Variants in CCNI observed in about 807,000 individuals in gnomAD.
CCNI encodes cyclin-I.
CCNI carries 14 observed loss-of-function variants against 34.1 expected under a neutral mutation model. The ratio of observed to expected loss-of-function variants is 0.41; its 90% confidence interval spans 0.27 to 0.64. The LOEUF (loss-of-function observed/expected upper bound fraction) is 0.64, where lower values mean the gene tolerates loss of function less well. Among genes scored for constraint, CCNI ranks in the 30% least tolerant of loss-of-function variants. The pLI, the probability that CCNI is intolerant of heterozygous loss-of-function variation, is 0.31. For synonymous variants in CCNI, 154 were observed against 158.4 expected (o/e 0.97, Z 0.21); for missense variants, 385 against 440.5 (o/e 0.87, Z 1.13).
chr4:77,049,733 A>G (rs937020951), intron 6 of CCNI, among the ~76,000 whole-genome samples: 3 of 151,988 alleles, frequency 2.0e-5, no homozygotes, highest in Admixed American at 1.3e-4. Context: ...ACCACATTTC[A>G]GTATAATAAT....
intron 2 of CCNI, among the ~76,000 whole-genome samples, chr4:77,065,545 A>G (rs1728971427): frequency 6.6e-6 from 1 of 152,244 alleles, no homozygotes; most frequent in South Asian, 2.1e-4. Flanking sequence ...AGTAATTCAC[A>G]TGAACTCCTT....
At chr4:77,052,312 G>A (rs1044566551) in intron 6 of CCNI, among the ~76,000 whole-genome samples, 3 of 152,102 alleles carry the variant, frequency 2.0e-5, no homozygotes, top group African/African-American at 7.2e-5. Context: ...TTTTATGGCT[G>A]CACCTACTCT....
rs1278679891 is a variant in CCNI at position 77,056,484 on chromosome 4, G to C, written c.244-161C>G. 1.0e-5 allele frequency: 6 copies of C among 596,284 alleles called. No individual in the cohort carries two copies. In the African/African-American group the frequency reaches 1.1e-4, roughly 11 times the overall value. The allele number at this position is 596,284 out of a possible 1,614,324, so 36.9% of individuals were successfully genotyped here. ...CTGCCACTCATTACTTTTTAGATCAGAGCTAACTTTAAGAACAGGAAAGAA... is the reference window on the plus strand; with the variant it reads ...CTGCCACTCATTACTTTTTAGATCACAGCTAACTTTAAGAACAGGAAAGAA... On this transcript the variant is annotated intron_variant, in intron 3 of 6. Transcript: ENST00000237654.
chr4:77,069,512 C>G (rs1270967234), intron 1 of CCNI, among the ~76,000 whole-genome samples: 2 of 151,796 alleles, frequency 1.3e-5, no homozygotes, highest in Admixed American at 1.3e-4. Flanking sequence ...CATATGTATA[C>G]ATGTGTCATG....
Position 77,056,333 on chromosome 4 carries a change from T to C in CCNI, c.244-10A>G, listed in dbSNP as rs1297477200. ...AGTATTTTGGATGAGCCTAAAATTT[T>C]GAAGAGGGAAAAAGCAACTTTAGTG... On this transcript the variant is annotated splice_polypyrimidine_tract_variant and intron_variant, in intron 3 of 6. Transcript: ENST00000237654. 3.1e-6 allele frequency: 5 copies of C among 1,605,808 alleles called. No individual in the cohort carries two copies. In the African/African-American group the frequency reaches 5.4e-5, roughly 17 times the overall value.
At chr4:77,072,507 C>T (rs965072298) in intron 1 of CCNI, among the ~76,000 whole-genome samples, 7 of 148,474 alleles carry the variant, frequency 4.7e-5, no homozygotes, top group African/African-American at 1.7e-4. Context: ...ATGTCACACA[C>T]CTGCCTGTAG....
intron 4 of CCNI, 42 bp downstream of exon 4, chr4:77,056,207 A>G (rs921417642): frequency 1.3e-6 from 2 of 1,596,478 alleles, no homozygotes; most frequent in African/African-American, 1.3e-5. Flanking sequence ...ATGTGGAGAG[A>G]AATTTTCACG....
intron 1 of CCNI, among the ~76,000 whole-genome samples, chr4:77,072,878 C>T (rs1729592483): frequency 6.6e-6 from 1 of 152,090 alleles, no homozygotes; most frequent in Non-Finnish European, 1.5e-5. Context: ...AGTATAGGGT[C>T]ATAATGTATG....
intron 3 of CCNI, 57 bp downstream of exon 3, chr4:77,058,450 G>C: frequency 1.4e-6 from 2 of 1,418,740 alleles, no homozygotes; most frequent in Non-Finnish European, 9.7e-7. Context: ...ATAGCCTCTA[G>C]TTTAGCATAC....
chr4:77,061,585 A>G (rs1340693900), intron 2 of CCNI, among the ~76,000 whole-genome samples: 2 of 152,202 alleles, frequency 1.3e-5, no homozygotes, highest in Non-Finnish European at 2.9e-5. Context: ...TTTAAACTCT[A>G]AAAGGTTCAC....
At chr4:77,060,221 G>C (rs549840087) in intron 2 of CCNI, among the ~76,000 whole-genome samples, 1 of 152,060 alleles carries the variant, frequency 6.6e-6, no homozygotes, top group South Asian at 2.1e-4. Flanking sequence ...TACAAAAAAA[G>C]AGAATACAGT....
At chr4:77,070,439 G>GC (rs1313431542) in intron 1 of CCNI, among the ~76,000 whole-genome samples, 1 of 147,052 alleles carries the variant, frequency 6.8e-6, no homozygotes, top group African/African-American at 2.5e-5. Context: ...ACCCCTACCT[G>GC]CCCCAACCCA....
intron 6 of CCNI, among the ~76,000 whole-genome samples, chr4:77,050,580 A>C (rs907907956): frequency 2.0e-5 from 3 of 152,100 alleles, no homozygotes. Context: ...ATGTTCACTG[A>C]TTTTTTTCCC....
intron 1 of CCNI, chr4:77,074,789 C>G (rs1304432369): frequency 6.6e-6 from 1 of 152,194 alleles, no homozygotes; most frequent in African/African-American, 2.4e-5. Context: ...ATCCATCCTA[C>G]CTCCCGAAAC....
chr4:77,050,416 T>G (rs1229983209), intron 6 of CCNI, among the ~76,000 whole-genome samples: 1 of 152,148 alleles, frequency 6.6e-6, no homozygotes, highest in Admixed American at 6.5e-5. Context: ...CACAAAATTA[T>G]TTTTATCTCT....
Position 77,048,445 on chromosome 4 carries a change from G to A in CCNI, c.908C>T (p.Thr303Ile). Residue 303 changes from threonine to isoleucine, a missense_variant, in exon 7 of 7, where the codon ACA becomes ATA. Transcript: ENST00000237654. ...NSKPEVPVRG[T>I]AAFYHHLPAA... is the part of the protein sequence containing the mutation. ...TGGGAGATGATGGTAAAAGGCTGCT[G>A]TACCTCTGACTGGCACTTCTGGCTT... The A allele has an allele frequency of 6.2e-7, 1 of 1,614,130 alleles. No individual in the cohort carries two copies. Among genetic ancestry groups the A allele is most frequent in the Non-Finnish European group, 8.5e-7 (1 of 1,180,000 alleles).
rs115778954 is a variant in CCNI at position 77,069,776 on chromosome 4, C to A, written c.-43-3371G>T. 4.9e-3 allele frequency among the ~76,000 whole-genome samples: 740 copies of A among 152,124 alleles called. 2 individuals are homozygous for A. Among genetic ancestry groups the A allele is most frequent in the Non-Finnish European group, 8.7e-3 (592 of 68,002 alleles). On this transcript the variant is annotated intron_variant, in intron 1 of 6. Transcript: ENST00000237654. ...CACACAACCAAAAACTCTACCCCCA[C>A]CTGTACCAACCCACTGTGTGTGGGG...
At chr4:77,057,670 C>T (rs970166840) in intron 3 of CCNI, among the ~76,000 whole-genome samples, 1 of 152,174 alleles carries the variant, frequency 6.6e-6, no homozygotes, top group African/African-American at 2.4e-5. Flanking sequence ...CAGCCAATGA[C>T]ATGGCAATGG....
intron 5 of CCNI, among the ~76,000 whole-genome samples, chr4:77,055,754 A>G (rs951071158): frequency 6.6e-6 from 1 of 152,002 alleles, no homozygotes; most frequent in Admixed American, 6.6e-5. Flanking sequence ...GGCGTGAGCC[A>G]CCGCGCCCAG....
Sources: gnomAD v4.1 joint callset for allele counts (sites outside exome capture counted in the v4.1 genomes callset) on GRCh38, gnomAD v4.1.1 for gene constraint, MANE v1.5 for transcripts, NCBI Gene and HGNC (gene_info 2026-07-23, HGNC 2026-07-21) for gene names.